CACNA2D1: variants seen among roughly 807,000 people sequenced by gnomAD.
CACNA2D1 encodes voltage-dependent calcium channel subunit alpha-2/delta-1.
CACNA2D1 carries 53 observed loss-of-function variants against 171.5 expected under a neutral mutation model. The observed-to-expected ratio is 0.31, with a 90% confidence interval of 0.25 to 0.39. CACNA2D1 has a LOEUF of 0.39. CACNA2D1 is among the 10% of genes least tolerant of loss of function. The pLI is 1.00. For synonymous variants in CACNA2D1, 442 were observed against 443.1 expected (o/e 1.00, Z 0.03); for missense variants, 903 against 1,299.8 (o/e 0.69, Z 4.69).
intron 21 of CACNA2D1, among the ~76,000 whole-genome samples, chr7:81,988,953 T>C (rs1211142917): frequency 6.6e-6 from 1 of 152,094 alleles, no homozygotes; most frequent in Non-Finnish European, 1.5e-5. Flanking sequence ...TTATGGAGAA[T>C]ATGAAGTGGA....
rs577810212 is a variant in CACNA2D1 at position 82,111,362 on chromosome 7, A to ATG, written c.526+5680_526+5681dup. ...TATATATTCATATATATGTGTATATATGTATATATATATTCATATATGTGT... is the reference window on the plus strand; with the variant it reads ...TATATATTCATATATATGTGTATATATGTGTATATATATATTCATATATGTGT... On this transcript the variant is annotated intron_variant, in intron 6 of 38. Transcript: ENST00000356860. Among the ~76,000 whole-genome samples, 136 of 131,712 alleles carry ATG rather than the reference A, an allele frequency of 1.0e-3. 1 individual carries two copies. The highest frequency in any genetic ancestry group is 3.4e-3 in the African/African-American group (130 of 37,874). 86.4% of individuals were successfully genotyped at this position (131,712 alleles called of 152,430 possible).
intron 5 of CACNA2D1, among the ~76,000 whole-genome samples, chr7:82,125,477 A>G (rs569313032): frequency 1.5e-4 from 23 of 152,344 alleles, no homozygotes; most frequent in Admixed American, 1.3e-4. Context: ...ATCCAAATAA[A>G]TTTCAAAACT....
intron 3 of CACNA2D1, among the ~76,000 whole-genome samples, chr7:82,266,994 T>C (rs1807949075): frequency 6.6e-6 from 1 of 152,192 alleles, no homozygotes. Flanking sequence ...AAAAATCTAT[T>C]GGACTCTATG....
chr7:82,080,818 C>T (rs2129005776), intron 7 of CACNA2D1, among the ~76,000 whole-genome samples: 1 of 152,280 alleles, frequency 6.6e-6, no homozygotes, highest in East Asian at 1.9e-4. Flanking sequence ...GTTTCCTTGT[C>T]AACTCACTGT....
chr7:82,395,222 C>T (rs1197239397), intron 1 of CACNA2D1, among the ~76,000 whole-genome samples: 1 of 151,554 alleles, frequency 6.6e-6, no homozygotes, highest in East Asian at 1.9e-4. Context: ...AAAAAAACTC[C>T]AACTCTGATG....
At chr7:81,981,540 A>G (rs1428870305) in intron 24 of CACNA2D1, among the ~76,000 whole-genome samples, 1 of 152,204 alleles carries the variant, frequency 6.6e-6, no homozygotes, top group Non-Finnish European at 1.5e-5. Context: ...AACAATTTAT[A>G]TGCATCTTTG....
chr7:82,255,978 C>A (rs1322284362), intron 3 of CACNA2D1, among the ~76,000 whole-genome samples: 1 of 152,064 alleles, frequency 6.6e-6, no homozygotes, highest in Non-Finnish European at 1.5e-5. Flanking sequence ...AAGCCATGAA[C>A]TAAAGTTTGA....
At chr7:81,958,084 ACTTAATATAT>A (rs903112233) in intron 38 of CACNA2D1, among the ~76,000 whole-genome samples, 3 of 151,708 alleles carry the variant, frequency 2.0e-5, no homozygotes, top group Admixed American at 6.6e-5. Context: ...GCCTATCTGG[ACTTAATATAT>A]CTTAAAAAGA....
intron 3 of CACNA2D1, among the ~76,000 whole-genome samples, chr7:82,242,706 T>C (rs1443594460): frequency 1.3e-5 from 2 of 152,120 alleles, no homozygotes; most frequent in Non-Finnish European, 1.5e-5. Context: ...TATAGAAAAT[T>C]TTCCTTCTCC....
chr7:82,130,967 T>TTAAAAA (rs1790909224), intron 5 of CACNA2D1, among the ~76,000 whole-genome samples: 1 of 151,984 alleles, frequency 6.6e-6, no homozygotes, highest in African/African-American at 2.4e-5. Context: ...TGGCTAAATT[T>TTAAAAA]TAAAAAAATA....
intron 2 of CACNA2D1, 111 bp from the exon 3 acceptor site, chr7:82,335,362 G>C: frequency 1.4e-6 from 1 of 719,344 alleles, no homozygotes; most frequent in East Asian, 2.5e-5. Flanking sequence ...ACACCACCCT[G>C]TTCTTTATCT....
chr7:81,984,194 A>G (rs943996891), intron 22 of CACNA2D1, among the ~76,000 whole-genome samples: 1 of 152,240 alleles, frequency 6.6e-6, no homozygotes, highest in African/African-American at 2.4e-5. Flanking sequence ...GCACAATATT[A>G]TTCTGGCCAA....
intron 37 of CACNA2D1, 46 bp from the exon 38 acceptor site, chr7:81,959,403 G>T (rs773278299): frequency 1.6e-6 from 2 of 1,289,880 alleles, no homozygotes; most frequent in Non-Finnish European, 2.3e-6. Context: ...TTTTTCACAT[G>T]ATTAAAAATA....
At chr7:82,264,005 T>C (rs1314183053) in intron 3 of CACNA2D1, among the ~76,000 whole-genome samples, 1 of 152,208 alleles carries the variant, frequency 6.6e-6, no homozygotes, top group Non-Finnish European at 1.5e-5. Context: ...CGTCACCGTT[T>C]TTAAAAATTG....
In CACNA2D1 at chr7:81,948,854, G is replaced by A. The variant is rs1792252355; in HGVS notation, c.*1538C>T. 6.6e-6 allele frequency: 1 copy of A among 151,884 alleles called. No homozygotes were observed. The highest frequency in any genetic ancestry group is 1.9e-4 in the East Asian group (1 of 5,158). 9.4% of individuals were successfully genotyped at this position (151,884 alleles called of 1,614,324 possible). A position where few individuals can be genotyped will look rare whatever the true frequency, so the allele number is the denominator to read the frequency against. ...TTGCTCCAGAAAATAATTTTTAAAAGCATAAATAATCTGCTACCATATTAG... is the reference window on the plus strand; with the variant it reads ...TTGCTCCAGAAAATAATTTTTAAAAACATAAATAATCTGCTACCATATTAG... On this transcript the variant is annotated 3_prime_UTR_variant, in exon 39 of 39. Coordinates refer to ENST00000356860, the MANE Select transcript of CACNA2D1 (RefSeq NM_000722.4).
At chr7:82,097,051 T>C (rs2129029041) in intron 6 of CACNA2D1, among the ~76,000 whole-genome samples, 1 of 152,162 alleles carries the variant, frequency 6.6e-6, no homozygotes, top group African/African-American at 2.4e-5. Context: ...AAAGATTTTC[T>C]GAAAGAGGTG....
At chr7:82,328,709 G>A (rs890481565) in intron 3 of CACNA2D1, among the ~76,000 whole-genome samples, 6 of 151,978 alleles carry the variant, frequency 3.9e-5, no homozygotes, top group Non-Finnish European at 5.9e-5. Context: ...CTCAAAAATA[G>A]ACAAGAAAGA....
intron 1 of CACNA2D1, among the ~76,000 whole-genome samples, chr7:82,411,604 C>A (rs1827668950): frequency 6.6e-6 from 1 of 151,910 alleles, no homozygotes; most frequent in Admixed American, 6.6e-5. Context: ...ATATGTACAT[C>A]CAAGAATCTA....
intron 2 of CACNA2D1, 43 bp downstream of exon 2, chr7:82,349,525 T>C: frequency 7.0e-7 from 1 of 1,429,640 alleles, no homozygotes; most frequent in South Asian, 1.1e-5. Flanking sequence ...TGCATTCGAA[T>C]TAATGAAAAG....
Sources: gnomAD v4.1 joint callset for allele counts (sites outside exome capture counted in the v4.1 genomes callset) on GRCh38, gnomAD v4.1.1 for gene constraint, MANE v1.5 for transcripts, NCBI Gene and HGNC (gene_info 2026-07-23, HGNC 2026-07-21) for gene names.